The following FUT9 variants were observed in gnomAD, a reference collection of about 807,000 sequenced individuals.
FUT9 encodes the protein 4-galactosyl-N-acetylglucosaminide 3-alpha-L-fucosyltransferase 9.
In FUT9, 15 loss-of-function variants were observed where a neutral mutation model predicts 29.7. The ratio of observed to expected loss-of-function variants is 0.51; its 90% CI spans 0.34 to 0.78. The LOEUF (loss-of-function observed/expected upper bound fraction) is 0.78. Ranked by LOEUF, FUT9 falls within the 30% of genes least tolerant of loss-of-function variation. The pLI is 0.01. For synonymous variants in FUT9, 169 were observed against 153.7 expected (o/e 1.10, Z -0.74); for missense variants, 319 against 425.4 (o/e 0.75, Z 2.20).
chr6:96,196,324 T>G (rs184648005), intron 2 of FUT9, among the ~76,000 whole-genome samples: 152 of 152,308 alleles, frequency 1.0e-3, no homozygotes, highest in African/African-American at 3.4e-3. Context: ...ACTCGAAGAC[T>G]TAAGGTGAAC....
At chr6:96,160,055 T>A (rs1039906301) in intron 2 of FUT9, among the ~76,000 whole-genome samples, 1 of 152,204 alleles carries the variant, frequency 6.6e-6, no homozygotes, top group African/African-American at 2.4e-5. Context: ...ATCAGGACAC[T>A]TGTTAGTTAC....
chr6:96,019,477 T>C (rs1770033613), intron 1 of FUT9, among the ~76,000 whole-genome samples: 1 of 152,064 alleles, frequency 6.6e-6, no homozygotes, highest in Non-Finnish European at 1.5e-5. Context: ...CTTGTAAGTA[T>C]CAAATTATTA....
intron 2 of FUT9, among the ~76,000 whole-genome samples, chr6:96,130,227 A>T (rs1772216919): frequency 6.6e-6 from 1 of 152,112 alleles, no homozygotes; most frequent in Non-Finnish European, 1.5e-5. Flanking sequence ...AAATAAATTT[A>T]AGAAAGGAAA....
At chr6:96,151,245 G>A (rs1772669874) in intron 2 of FUT9, among the ~76,000 whole-genome samples, 1 of 151,988 alleles carries the variant, frequency 6.6e-6, no homozygotes, top group Non-Finnish European at 1.5e-5. Flanking sequence ...TTATCTTTAG[G>A]GTAACTTCTA....
At chr6:96,171,998 A>G (rs765784513) in intron 2 of FUT9, among the ~76,000 whole-genome samples, 5 of 152,186 alleles carry the variant, frequency 3.3e-5, no homozygotes, top group Non-Finnish European at 7.4e-5. Context: ...GTAACAAATT[A>G]TCATAGACTG....
intron 2 of FUT9, among the ~76,000 whole-genome samples, chr6:96,180,392 G>A (rs1350360326): frequency 6.6e-6 from 1 of 152,066 alleles, no homozygotes; most frequent in African/African-American, 2.4e-5. Context: ...GGCATGCTGT[G>A]TCCAGAGTAA....
At position 96,215,327 on chromosome 6, in the gene FUT9, T is replaced by C. The variant is rs1384695925; in HGVS notation, c.*11092T>C. 2.6e-4 allele frequency: 43 copies of C among 167,010 alleles called. No homozygotes were observed. In the Admixed American group the frequency reaches 2.8e-3, roughly 11 times the overall value. 10.3% of individuals were successfully genotyped at this position (167,010 alleles called of 1,614,324 possible). On this transcript the variant is annotated 3_prime_UTR_variant, in exon 3 of 3. Transcript: ENST00000302103. ...ATGGATGTCTTTCTAGGCTTATAAA[T>C]ATATGGTGTGATTGCTATAATTTTG...
chr6:96,136,574 T>C (rs1034869434), intron 2 of FUT9, among the ~76,000 whole-genome samples: 1 of 152,014 alleles, frequency 6.6e-6, no homozygotes, highest in Non-Finnish European at 1.5e-5. Context: ...GTACCTAACA[T>C]TGGCAATCCT....
chr6:96,120,591 CTTTTTTTTTTTTTTTTT>C (rs57515226), intron 2 of FUT9, among the ~76,000 whole-genome samples: 2 of 55,372 alleles, frequency 3.6e-5, no homozygotes, highest in East Asian at 7.1e-4. Flanking sequence ...GCAAGACCAC[CTTTTTTTTTTTTTTTTT>C]TTTTTTTTTT....
intron 1 of FUT9, among the ~76,000 whole-genome samples, chr6:96,089,957 T>C (rs1194468466): frequency 1.3e-5 from 2 of 152,132 alleles, no homozygotes; most frequent in Admixed American, 6.6e-5. Context: ...GCCTGTATAA[T>C]TCTGAAAAGA....
intron 2 of FUT9, among the ~76,000 whole-genome samples, chr6:96,202,471 A>T (rs1773743002): frequency 1.3e-5 from 2 of 152,162 alleles, no homozygotes; most frequent in African/African-American, 4.8e-5. Context: ...ATTAAAAGTA[A>T]ACAAAGAAAA....
chr6:96,203,256 A>G lies in FUT9; in HGVS notation c.101A>G (p.Asn34Ser). 1.2e-6 allele frequency: 2 copies of G among 1,613,904 alleles called. No homozygotes were observed. The highest frequency in any genetic ancestry group is 3.3e-4 in the Middle Eastern group (2 of 6,062). ...ACLLIYIKPT[N>S]SWIFSPMESA... Reference sequence around the variant, plus strand: ...CTTCTCATTTACATCAAACCTACCAACAGCTGGATCTTCAGTCCAATGGAA... The same window carrying G: ...CTTCTCATTTACATCAAACCTACCAGCAGCTGGATCTTCAGTCCAATGGAA... The change falls in exon 3 of 3, where the codon AAC becomes AGC. Residue 34 changes from asparagine (N) to serine (S), a missense_variant. By Grantham distance (46) the Asn-to-Ser change is conservative. Coordinates refer to ENST00000302103, the MANE Select transcript of FUT9 (RefSeq NM_006581.4).
chr6:96,113,249 T>G (rs1352201348), intron 1 of FUT9, among the ~76,000 whole-genome samples: 4 of 151,668 alleles, frequency 2.6e-5, no homozygotes, highest in African/African-American at 9.7e-5. Flanking sequence ...ATTCAATAAC[T>G]TTTTTTTGAG....
chr6:96,212,467 G>A lies in FUT9; in HGVS notation c.*8232G>A, dbSNP rs1391245732. The A allele has an allele frequency of 2.2e-5, 9 of 410,052 alleles. No homozygotes were observed. The highest frequency in any genetic ancestry group is 3.6e-5 in the Non-Finnish European group (8 of 224,268). The allele number at this position is 410,052 out of a possible 1,614,324, so 25.4% of individuals were successfully genotyped here. On this transcript the variant is annotated 3_prime_UTR_variant, in exon 3 of 3. Coordinates refer to ENST00000302103, the MANE Select transcript of FUT9 (RefSeq NM_006581.4). ...ATAATCTATCTTGAATATTTCATATGTGATTTTAAAATAATTAATCAAAAA... is the reference window on the plus strand; with the variant it reads ...ATAATCTATCTTGAATATTTCATATATGATTTTAAAATAATTAATCAAAAA...
At chr6:96,033,868 AT>A (rs1770305666) in intron 1 of FUT9, among the ~76,000 whole-genome samples, 2 of 151,862 alleles carry the variant, frequency 1.3e-5, no homozygotes, top group Middle Eastern at 6.8e-3. Context: ...ATACATATAT[AT>A]GCTTACATAT....
chr6:96,182,960 T>G (rs9390996), intron 2 of FUT9, among the ~76,000 whole-genome samples: 25,595 of 152,098 alleles, frequency 0.17, 2,492 homozygotes, highest in East Asian at 0.24. Flanking sequence ...AGGATTTTTT[T>G]TCTAGTTCTG....
At chr6:96,062,221 T>G (rs138173778) in intron 1 of FUT9, among the ~76,000 whole-genome samples, 87 of 151,958 alleles carry the variant, frequency 5.7e-4, no homozygotes, top group Admixed American at 2.4e-3. Flanking sequence ...TGAAAATATA[T>G]ATAAAATATT....
chr6:96,097,629 C>G (rs1771523288), intron 1 of FUT9, among the ~76,000 whole-genome samples: 1 of 151,826 alleles, frequency 6.6e-6, no homozygotes, highest in Non-Finnish European at 1.5e-5. Flanking sequence ...ATTACAAAAA[C>G]AAACAATAAC....
At chr6:96,187,943 T>C (rs1162481328) in intron 2 of FUT9, among the ~76,000 whole-genome samples, 2 of 152,120 alleles carry the variant, frequency 1.3e-5, no homozygotes, top group African/African-American at 4.8e-5. Flanking sequence ...ACAGAGGCCT[T>C]GGATCAGCAA....
Sources: gnomAD v4.1 joint callset for allele counts (sites outside exome capture counted in the v4.1 genomes callset) on GRCh38, gnomAD v4.1.1 for gene constraint, MANE v1.5 for transcripts, NCBI Gene and HGNC (gene_info 2026-07-23, HGNC 2026-07-21) for gene names.